The following PRKCE variants were observed in gnomAD, a reference collection of about 807,000 sequenced individuals.
PRKCE encodes protein kinase C epsilon type.
In PRKCE, 16 loss-of-function variants were observed where a neutral mutation model predicts 85.4. The ratio of observed to expected loss-of-function variants is 0.19; its 90% CI spans 0.13 to 0.28. The LOEUF is 0.28. PRKCE is among the 10% of genes least tolerant of loss of function. The pLI is 1.00. For synonymous variants in PRKCE, 388 were observed against 371.5 expected, an observed-to-expected ratio of 1.04 and a Z score of -0.51; for missense variants, 573 against 975.2, an observed-to-expected ratio of 0.59 and a Z score of 5.49.
intron 14 of PRKCE, among the ~76,000 whole-genome samples, chr2:46,182,957 G>A (rs756976137): frequency 1.3e-5 from 2 of 152,176 alleles, no homozygotes; most frequent in Non-Finnish European, 2.9e-5. Flanking sequence ...GCCCAGACAT[G>A]AGTTCTGGGT....
At chr2:45,830,272 G>T (rs547761497) in intron 1 of PRKCE, among the ~76,000 whole-genome samples, 38 of 144,098 alleles carry the variant, frequency 2.6e-4, no homozygotes, top group Non-Finnish European at 4.3e-4. Context: ...GAAATATGCT[G>T]CATTCATAAA....
At chr2:45,782,620 C>G (rs114241683) in intron 1 of PRKCE, among the ~76,000 whole-genome samples, 280 of 152,202 alleles carry the variant, frequency 1.8e-3, no homozygotes, top group African/African-American at 6.4e-3. Flanking sequence ...GATAATGTAC[C>G]CTTGTGTTTG....
In PRKCE at chr2:45,821,804, C is replaced by T. The variant is rs939413139; in HGVS notation, c.349-21196C>T. ...AGGGAAGGCTTGGGCAAGAAGTGTC[C>T]CGATGGCAGCTGTATTGTAGATCAG... is the stretch of plus-strand genomic sequence containing the variant. On this transcript the variant is annotated intron_variant, in intron 1 of 14. Coordinates refer to ENST00000306156, the MANE Select transcript of PRKCE (RefSeq NM_005400.3). 2.6e-5 allele frequency among the ~76,000 whole-genome samples: 4 copies of T among 152,094 alleles called. No homozygotes were observed. The East Asian group carries it at 7.7e-4, about 29-fold the overall frequency.
chr2:45,835,805 G>A (rs1558731688), intron 1 of PRKCE, among the ~76,000 whole-genome samples: 1 of 151,956 alleles, frequency 6.6e-6, no homozygotes. Flanking sequence ...ATGTTGTACA[G>A]GCTGGTCTTG....
At chr2:45,900,740 A>T (rs959053388) in intron 2 of PRKCE, among the ~76,000 whole-genome samples, 2 of 152,256 alleles carry the variant, frequency 1.3e-5, no homozygotes, top group Non-Finnish European at 1.5e-5. Flanking sequence ...AATGAATTAT[A>T]TACTTAAAAT....
intron 1 of PRKCE, among the ~76,000 whole-genome samples, chr2:45,708,856 G>A (rs1031229020): frequency 6.6e-6 from 1 of 152,138 alleles, no homozygotes; most frequent in Non-Finnish European, 1.5e-5. Flanking sequence ...TGGTCTTGGG[G>A]GCCATGTGTT....
chr2:45,734,957 C>G (rs749511435), intron 1 of PRKCE, among the ~76,000 whole-genome samples: 2 of 152,260 alleles, frequency 1.3e-5, no homozygotes, highest in Non-Finnish European at 2.9e-5. Flanking sequence ...TTTGTTACAG[C>G]TGCGTCGCAG....
chr2:45,700,236 T>C (rs1463038911), intron 1 of PRKCE, among the ~76,000 whole-genome samples: 1 of 151,892 alleles, frequency 6.6e-6, no homozygotes, highest in Non-Finnish European at 1.5e-5. Context: ...GAGGTCTTTT[T>C]TCTTTGCAGC....
intron 1 of PRKCE, 54 bp from the exon 2 acceptor site, chr2:45,842,942 ACTCT>A: frequency 1.3e-6 from 2 of 1,495,184 alleles, no homozygotes; most frequent in Non-Finnish European, 9.3e-7. Flanking sequence ...ATGTTGTGGA[ACTCT>A]TAGGTTGCCC....
At chr2:46,064,773 T>C (rs1667462842) in intron 10 of PRKCE, among the ~76,000 whole-genome samples, 1 of 152,230 alleles carries the variant, frequency 6.6e-6, no homozygotes, top group South Asian at 2.1e-4. Flanking sequence ...TTTTTGGTAA[T>C]TCTCTTGGGC....
chr2:45,672,098 A>G (rs929228852), intron 1 of PRKCE, among the ~76,000 whole-genome samples: 1 of 151,934 alleles, frequency 6.6e-6, no homozygotes, highest in African/African-American at 2.4e-5. Context: ...GAAAGGAAAA[A>G]ATCCAGTAGA....
chr2:45,987,241 A>G (rs989592669), intron 6 of PRKCE, among the ~76,000 whole-genome samples: 1 of 152,130 alleles, frequency 6.6e-6, no homozygotes, highest in African/African-American at 2.4e-5. Context: ...CCCCTGCTCA[A>G]GGAAAGAAGG....
intron 1 of PRKCE, among the ~76,000 whole-genome samples, chr2:45,729,989 T>C (rs1329507763): frequency 6.6e-6 from 1 of 152,212 alleles, no homozygotes; most frequent in Non-Finnish European, 1.5e-5. Flanking sequence ...CATACTTTTA[T>C]AGTTCAACAA....
chr2:45,803,515 G>C (rs758913633), intron 1 of PRKCE, among the ~76,000 whole-genome samples: 1 of 152,176 alleles, frequency 6.6e-6, no homozygotes, highest in African/African-American at 2.4e-5. Flanking sequence ...AGAGACAGTG[G>C]GAAGGGTTTG....
chr2:45,794,851 C>CG (rs907702466), intron 1 of PRKCE, among the ~76,000 whole-genome samples: 1 of 151,362 alleles, frequency 6.6e-6, no homozygotes, highest in African/African-American at 2.4e-5. Context: ...CCCTACCCCC[C>CG]CCCCCATCCA....
chr2:46,041,896 T>TA lies in PRKCE; in HGVS notation c.1437+31380dup, dbSNP rs1708236452. ...ACTCTTATTTTCCACACTGGAAACT[T>TA]ACCATGAGCAATTCTTTTCAGAGGT... On this transcript the variant is annotated intron_variant, in intron 10 of 14. Transcript: ENST00000306156. This position sits in a 1 kb window ranked among gnomAD's most constrained non-coding sequence, Gnocchi z 5.5. Among the ~76,000 whole-genome samples the TA allele has an allele frequency of 6.6e-6, 1 of 152,376 alleles. No individual in the cohort carries two copies. Among genetic ancestry groups the TA allele is most frequent in the East Asian group, 1.9e-4 (1 of 5,194 alleles).
At chr2:45,953,805 C>T (rs1574008068) in intron 2 of PRKCE, among the ~76,000 whole-genome samples, 1 of 152,296 alleles carries the variant, frequency 6.6e-6, no homozygotes, top group East Asian at 1.9e-4. Context: ...CAGCACTCTC[C>T]AGGTGAGTTT....
In PRKCE at chr2:46,037,525, C is replaced by T. The variant is rs149473464; in HGVS notation, c.1437+27008C>T. Reference sequence around the variant, plus strand: ...GGAGTTCAAATATCCCTCAGGCGAACGCTTCCATCCCCAGGTTGGTAACAC... The same window carrying T: ...GGAGTTCAAATATCCCTCAGGCGAATGCTTCCATCCCCAGGTTGGTAACAC... On this transcript the variant is annotated intron_variant, in intron 10 of 14. Transcript: ENST00000306156. Among the ~76,000 whole-genome samples the T allele has an allele frequency of 2.3e-3, 349 of 152,288 alleles. 3 individuals are homozygous for T. The highest frequency in any genetic ancestry group is 8.0e-3 in the African/African-American group (333 of 41,544).
intron 1 of PRKCE, among the ~76,000 whole-genome samples, chr2:45,745,376 C>A (rs1401284940): frequency 6.6e-6 from 1 of 152,100 alleles, no homozygotes; most frequent in African/African-American, 2.4e-5. Flanking sequence ...CCTGGGGAGG[C>A]TTCTTTCCCT....
Sources: allele counts gnomAD v4.1 joint callset (sites outside exome capture counted in the v4.1 genomes callset), GRCh38; gene constraint gnomAD v4.1.1; non-coding constraint Gnocchi (gnomAD v3.1); transcripts MANE v1.5; gene names NCBI Gene and HGNC (gene_info 2026-07-23, HGNC 2026-07-21).